The following POLR3F variants were observed in gnomAD, a reference collection of about 807,000 sequenced individuals.
POLR3F encodes the protein DNA-directed RNA polymerase III subunit RPC6.
POLR3F carries 31 observed loss-of-function variants against 43.6 expected under a neutral mutation model. That is an observed-to-expected ratio of 0.71 (90% CI 0.53 to 0.96). The LOEUF is 0.96. Among genes scored for constraint, POLR3F ranks in the 40% least tolerant of loss-of-function variants. The pLI is 0.00. For synonymous variants in POLR3F, 114 were observed against 132.5 expected, an observed-to-expected ratio of 0.86 and a Z score of 0.96; for missense variants, 316 against 391.7, an observed-to-expected ratio of 0.81 and a Z score of 1.63.
chr20:18,478,141 C>A (rs1240267533), intron 5 of POLR3F, among the ~76,000 whole-genome samples: 1 of 151,994 alleles, frequency 6.6e-6, no homozygotes, highest in Non-Finnish European at 1.5e-5. Context: ...CCATGAATAA[C>A]AAGGCCTATT....
rs370803018 is a variant in POLR3F, at chr20:18,473,628, C to T, written c.316+170C>T. On this transcript the variant is annotated intron_variant, in intron 4 of 8. Coordinates refer to ENST00000377603, the MANE Select transcript of POLR3F (RefSeq NM_006466.4). ...CTTGAAGGACACCCAAGAGTAAGGC[C>T]GTTGTTGCCTTGAAAGAGACAAGAA... Among the ~76,000 whole-genome samples the T allele has an allele frequency of 2.5e-4, 38 of 152,144 alleles. No homozygotes were observed. In the South Asian group the frequency reaches 7.9e-3, roughly 32 times the overall value.
intron 5 of POLR3F, among the ~76,000 whole-genome samples, chr20:18,479,318 ACCC>A (rs1284300284): frequency 6.6e-6 from 1 of 150,452 alleles, no homozygotes; most frequent in East Asian, 2.0e-4. Flanking sequence ...ACATGGTGAC[ACCC>A]CCGTCTCTGC....
At chr20:18,483,221 C>T (rs1225491928) in intron 8 of POLR3F, among the ~76,000 whole-genome samples, 2 of 152,138 alleles carry the variant, frequency 1.3e-5, no homozygotes, top group African/African-American at 4.8e-5. Context: ...CCTGCCACCA[C>T]GCTCAGCTAA....
chr20:18,473,608 A>G, intron 4 of POLR3F, 150 bp downstream of exon 4: 1 of 444,646 alleles, frequency 2.2e-6, no homozygotes, highest in East Asian at 3.4e-5. Flanking sequence ...ATGTGCTTGA[A>G]GGACACCCAA....
chr20:18,473,382 C>T lies in POLR3F; in HGVS notation c.249-9C>T. On this transcript the variant is annotated splice_polypyrimidine_tract_variant and intron_variant, in intron 3 of 8. Transcript: ENST00000377603. ...CTTACCTTACTAATTTTACTTTATT[C>T]CACTACAGTAAAATGAAGGGATCCG... The T allele has an allele frequency of 8.4e-7, 1 of 1,185,654 alleles. No individual in the cohort carries two copies. Among genetic ancestry groups the T allele is most frequent in the Non-Finnish European group, 1.3e-6 (1 of 791,668 alleles). The allele number at this position is 1,185,654 out of a possible 1,614,324, so 73.4% of individuals were successfully genotyped here.
At position 18,480,050 on chromosome 20, in the gene POLR3F, A is replaced by AAGGT; in HGVS notation, c.443_446dup (p.Tyr150GlyfsTer6). 2 of 1,600,388 alleles carry AAGGT rather than the reference A, an allele frequency of 1.2e-6. No homozygotes were observed. The highest frequency in any genetic ancestry group is 1.7e-6 in the Non-Finnish European group (2 of 1,176,006). On this transcript the variant is annotated frameshift_variant, in exon 6 of 9. Coordinates refer to ENST00000377603, the MANE Select transcript of POLR3F (RefSeq NM_006466.4). LOFTEE classifies it high-confidence loss of function. ...TGTTCTTTCCTAGGCCTCAAAAAAG[A>AAGGT]AGGTGTATATGCTCTATAACCTGCA...
intron 8 of POLR3F, among the ~76,000 whole-genome samples, chr20:18,482,478 C>T (rs2059816050): frequency 6.6e-6 from 1 of 152,136 alleles, no homozygotes; most frequent in African/African-American, 2.4e-5. Context: ...TTTAATCCTC[C>T]TTACATTCTT....
chr20:18,467,599 C>G (rs2059700732), intron 1 of POLR3F, 31 bp downstream of exon 1: 1 of 1,614,088 alleles, frequency 6.2e-7, no homozygotes, highest in Non-Finnish European at 8.5e-7. Flanking sequence ...CTTGGCACTC[C>G]ATCAGGCGCC....
chr20:18,468,355 G>A (rs922258155), intron 1 of POLR3F, among the ~76,000 whole-genome samples: 1 of 152,172 alleles, frequency 6.6e-6, no homozygotes, highest in Non-Finnish European at 1.5e-5. Flanking sequence ...GATTACAGGC[G>A]TGAGCCACCG....
chr20:18,480,381 C>G, intron 6 of POLR3F, 21 bp from the exon 7 acceptor site: 2 of 1,506,672 alleles, frequency 1.3e-6, no homozygotes, highest in South Asian at 2.3e-5. Context: ...ATTTACATTT[C>G]TTATGTTTCA....
intron 4 of POLR3F, among the ~76,000 whole-genome samples, 166 bp downstream of exon 4, chr20:18,473,624 A>G (rs2059765239): frequency 6.6e-6 from 1 of 152,230 alleles, no homozygotes; most frequent in African/African-American, 2.4e-5. Flanking sequence ...CCCAAGAGTA[A>G]GGCCGTTGTT....
chr20:18,483,957 T>A lies in POLR3F; in HGVS notation c.*399T>A, dbSNP rs538046870. 336 of 397,148 alleles carry A rather than the reference T, an allele frequency of 8.5e-4. 1 individual carries two copies. The highest frequency in any genetic ancestry group is 6.3e-3 in the African/African-American group (306 of 48,724). 24.6% of individuals were successfully genotyped at this position (397,148 alleles called of 1,614,324 possible). The stretch of plus-strand genomic sequence containing the variant: ...TAAGTTCTTCATTGGAAGTTTTTTT[T>A]TATATCTGGTTCACTACCACCATTT... On this transcript the variant is annotated 3_prime_UTR_variant, in exon 9 of 9. Coordinates refer to ENST00000377603, the MANE Select transcript of POLR3F (RefSeq NM_006466.4).
chr20:18,478,589 A>C (rs531709712), intron 5 of POLR3F, among the ~76,000 whole-genome samples: 21 of 152,306 alleles, frequency 1.4e-4, no homozygotes, highest in African/African-American at 4.1e-4. Flanking sequence ...ACAAACAAGG[A>C]AAGTTAGAAT....
chr20:18,477,522 G>A (rs2059786770), intron 5 of POLR3F, among the ~76,000 whole-genome samples: 1 of 152,156 alleles, frequency 6.6e-6, no homozygotes, highest in South Asian at 2.1e-4. Context: ...GTAATCAGCA[G>A]CTTTATTCAT....
intron 3 of POLR3F, 90 bp downstream of exon 3, chr20:18,472,999 C>A: frequency 3.2e-6 from 2 of 630,878 alleles, no homozygotes; most frequent in Admixed American, 2.7e-5. Context: ...TTACATAAAC[C>A]TGTCCTGTGT....
chr20:18,472,068 T>TTAA (rs2148862074), intron 2 of POLR3F, among the ~76,000 whole-genome samples: 1 of 152,340 alleles, frequency 6.6e-6, no homozygotes, highest in Admixed American at 6.5e-5. Flanking sequence ...TATAATTATC[T>TTAA]GGGTTCTCTT....
Position 18,481,691 on chromosome 20 carries a change from A to AT in POLR3F, c.756dup (p.Ile253TyrfsTer42). ...TTATGATGGAAAAGTGGAGATGACG[A>AT]TTATTGCTGCAAAAGAAGGCACAGT... On this transcript the variant is annotated frameshift_variant, in exon 8 of 9. Transcript: ENST00000377603. LOFTEE classifies it high-confidence loss of function. The AT allele has an allele frequency of 1.2e-6, 2 of 1,613,072 alleles. No individual in the cohort carries two copies. The highest frequency in any genetic ancestry group is 3.3e-4 in the Middle Eastern group (2 of 6,058).
Position 18,467,398 on chromosome 20 carries a change from C to A in POLR3F, c.-109C>A. 8.4e-7 allele frequency: 1 copy of A among 1,192,060 alleles called. No individual in the cohort carries two copies. The highest frequency in any genetic ancestry group is 2.0e-5 in the Admixed American group (1 of 51,250). The allele number at this position is 1,192,060 out of a possible 1,614,324, so 73.8% of individuals were successfully genotyped here. On this transcript the variant is annotated 5_prime_UTR_variant, in exon 1 of 9. Transcript: ENST00000377603. The stretch of plus-strand genomic sequence containing the variant: ...ACCGGCTGCGACACGAGGAAGAAGG[C>A]CCCTCGGCCTCAGCAGAGCGCTATC...
rs77453783 is a variant in POLR3F at position 18,473,788 on chromosome 20, T to G, written c.316+330T>G. ...TTCTAGCTATATGACCATGGACAAGTTACTTAAACTTTGTGAGCTTCAGTT... is the reference window on the plus strand; with the variant it reads ...TTCTAGCTATATGACCATGGACAAGGTACTTAAACTTTGTGAGCTTCAGTT... On this transcript the variant is annotated intron_variant, in intron 4 of 8. Coordinates refer to ENST00000377603, the MANE Select transcript of POLR3F (RefSeq NM_006466.4). 2.2e-3 allele frequency among the ~76,000 whole-genome samples: 335 copies of G among 152,300 alleles called. 1 individual carries two copies. Among genetic ancestry groups the G allele is most frequent in the African/African-American group, 7.5e-3 (312 of 41,570 alleles).
Sources: gnomAD v4.1 joint callset for allele counts (sites outside exome capture counted in the v4.1 genomes callset) on GRCh38, gnomAD v4.1.1 for gene constraint, MANE v1.5 for transcripts, NCBI Gene and HGNC (gene_info 2026-07-23, HGNC 2026-07-21) for gene names.